ENPP2: variants seen among roughly 807,000 people sequenced by gnomAD.
The protein encoded by ENPP2 is autotaxin.
ENPP2 carries 51 observed loss-of-function variants against 120.2 expected under a neutral mutation model. The ratio of observed to expected loss-of-function variants is 0.42; its 90% CI spans 0.34 to 0.54. The LOEUF is 0.54. ENPP2 is among the 20% of genes least tolerant of loss of function. The probability of loss-of-function intolerance (pLI) is 0.04; values close to 1 mark genes in which losing one functional copy is unlikely to be tolerated. For missense variants in ENPP2, 920 were observed against 1,066.5 expected, an observed-to-expected ratio of 0.86 and a Z score of 1.91; for synonymous variants, 365 against 366.4, an observed-to-expected ratio of 1.00 and a Z score of 0.04.
intron 1 of ENPP2, among the ~76,000 whole-genome samples, chr8:119,651,072 T>C (rs966477629): frequency 6.6e-6 from 1 of 151,928 alleles, no homozygotes; most frequent in Non-Finnish European, 1.5e-5. Context: ...AGGCTGTCCA[T>C]AGATATGTCA....
At chr8:119,610,543 G>A (rs1051500661) in intron 8 of ENPP2, among the ~76,000 whole-genome samples, 2 of 151,830 alleles carry the variant, frequency 1.3e-5, no homozygotes, top group African/African-American at 4.8e-5. Flanking sequence ...TGTTAATTCA[G>A]AGATATAAGT....
chr8:119,570,801 C>A lies in ENPP2; in HGVS notation c.1821G>T (p.Arg607=). 1 of 1,583,756 alleles carries A rather than the reference C, an allele frequency of 6.3e-7. No individual in the cohort carries two copies. Among genetic ancestry groups the A allele is most frequent in the South Asian group, 1.2e-5 (1 of 84,038 alleles). Residue 607 remains arginine, a synonymous_variant, in exon 20 of 25, where the codon CGG becomes CGT. Coordinates refer to ENST00000075322, the MANE Select transcript of ENPP2 (RefSeq NM_001040092.3). The stretch of plus-strand genomic sequence containing the variant: ...TGTGATATAAGATATCATATCTAGT[C>A]CGATAAAGCACTGCAGGTCGCCCAT... ...LLYGRPAVLY[R]TRYDILYHTD... is the part of the protein sequence containing the mutation.
chr8:119,654,865 T>C (rs1170653695), intron 1 of ENPP2, among the ~76,000 whole-genome samples: 2 of 152,220 alleles, frequency 1.3e-5, no homozygotes, highest in Non-Finnish European at 2.9e-5. Flanking sequence ...CTACTATTTC[T>C]CTGTCTTCTT....
At position 119,610,754 on chromosome 8, in the gene ENPP2, C is replaced by A. The variant is rs545469530; in HGVS notation, c.778-2777G>T. Among the ~76,000 whole-genome samples, 13 of 151,886 alleles carry A rather than the reference C, an allele frequency of 8.6e-5. No homozygotes were observed. In the South Asian group the frequency reaches 2.1e-3, roughly 24 times the overall value. ...CCATCTCTACTAAAGATACAAAAAA[C>A]CAGCCAGGAGTCGTGATAGGCACCT... On this transcript the variant is annotated intron_variant, in intron 8 of 24. Coordinates refer to ENST00000075322, the MANE Select transcript of ENPP2 (RefSeq NM_001040092.3).
intron 24 of ENPP2, among the ~76,000 whole-genome samples, chr8:119,562,335 C>T (rs896032313): frequency 5.9e-5 from 9 of 151,880 alleles, no homozygotes; most frequent in African/African-American, 1.5e-4. Context: ...CCCAGCTACT[C>T]GGGAGGCTGA....
intron 13 of ENPP2, 63 bp from the exon 14 acceptor site, chr8:119,587,138 T>C (rs781676519): frequency 7.3e-6 from 10 of 1,364,556 alleles, no homozygotes; most frequent in African/African-American, 5.7e-5. Flanking sequence ...GAAATCATTT[T>C]TGCAGCAAGA....
chr8:119,558,597 G>C (rs1480021204), intron 24 of ENPP2, among the ~76,000 whole-genome samples: 2 of 152,132 alleles, frequency 1.3e-5, no homozygotes, highest in African/African-American at 2.4e-5. Flanking sequence ...TAATTCAGGG[G>C]AAGCAGTTCT....
chr8:119,575,683 T>A (rs990554525), intron 19 of ENPP2, among the ~76,000 whole-genome samples: 9 of 152,170 alleles, frequency 5.9e-5, no homozygotes, highest in African/African-American at 1.9e-4. Flanking sequence ...GCTTTATATC[T>A]CCCTGGAATG....
At position 119,617,219 on chromosome 8, in the gene ENPP2, T is replaced by C; in HGVS notation, c.602A>G (p.Tyr201Cys). 2 of 1,613,620 alleles carry C rather than the reference T, an allele frequency of 1.2e-6. No individual in the cohort carries two copies. The highest frequency in any genetic ancestry group is 1.7e-6 in the Non-Finnish European group (2 of 1,179,532). Residue 201 changes from tyrosine (Y) to cysteine (C), a missense_variant, in exon 7 of 25, where the codon TAC (tyrosine) becomes TGC (cysteine). Tyr to Cys is a radical substitution (Grantham distance 194, BLOSUM62 -2). Coordinates refer to ENST00000075322, the MANE Select transcript of ENPP2 (RefSeq NM_001040092.3). ...KLRSCGTHSPYMRPVYPTKTF... is the reference protein window; with the variant it reads ...KLRSCGTHSPCMRPVYPTKTF... ...TTTAGTTGGGTACACCGGCCTCATGTAGGGAGAGTGTGTGCCACAAGACCC... is the reference window on the plus strand; with the variant it reads ...TTTAGTTGGGTACACCGGCCTCATGCAGGGAGAGTGTGTGCCACAAGACCC...
upstream of ENPP2, among the ~76,000 whole-genome samples, chr8:119,643,799 A>C (rs893802357): frequency 6.6e-6 from 1 of 152,216 alleles, no homozygotes; most frequent in African/African-American, 2.4e-5. Flanking sequence ...AGCAAATATC[A>C]TTCAGATTAC....
At chr8:119,605,353 C>T (rs190313332) in intron 9 of ENPP2, among the ~76,000 whole-genome samples, 1 of 152,070 alleles carries the variant, frequency 6.6e-6, no homozygotes, top group African/African-American at 2.4e-5. Context: ...GGCATGAGCC[C>T]CCAGGCCCGG....
In ENPP2 at chr8:119,571,798, T is replaced by C. The variant is rs188128058; in HGVS notation, c.1781-957A>G. 9.8e-3 allele frequency: 1,527 copies of C among 155,838 alleles called. 22 individuals carry two copies. The highest frequency in any genetic ancestry group is 0.032 in the South Asian group (158 of 4,876). The allele number at this position is 155,838 out of a possible 1,614,324, so 9.7% of individuals were successfully genotyped here. On this transcript the variant is annotated intron_variant, in intron 19 of 24. Coordinates refer to ENST00000075322, the MANE Select transcript of ENPP2 (RefSeq NM_001040092.3). ...TATTTTTTCTACTAGAGAAAATCAGTTCTGAAAAACACTTATTAAATAATG... is the reference window on the plus strand; with the variant it reads ...TATTTTTTCTACTAGAGAAAATCAGCTCTGAAAAACACTTATTAAATAATG...
intron 5 of ENPP2, among the ~76,000 whole-genome samples, chr8:119,618,851 C>T (rs944644002): frequency 6.6e-6 from 1 of 151,952 alleles, no homozygotes; most frequent in South Asian, 2.1e-4. Context: ...TTGGATAACA[C>T]AGTTTTAAAG....
At chr8:119,580,551 A>G (rs182342600) in intron 18 of ENPP2, 1 of 195,592 alleles carries the variant, frequency 5.1e-6, no homozygotes, top group Admixed American at 5.6e-5. Context: ...AATTTATGAA[A>G]TCACTTTTCA....
At chr8:119,652,720 T>G (rs1817661467) in intron 1 of ENPP2, among the ~76,000 whole-genome samples, 1 of 152,206 alleles carries the variant, frequency 6.6e-6, no homozygotes, top group Non-Finnish European at 1.5e-5. Context: ...GAATCACAGA[T>G]GTAAGATATG....
At chr8:119,665,182 C>G (rs1366530363) in intron 1 of ENPP2, among the ~76,000 whole-genome samples, 1 of 152,182 alleles carries the variant, frequency 6.6e-6, no homozygotes, top group Admixed American at 6.5e-5. Flanking sequence ...TTCTAAGGAA[C>G]TGGGGATTAT....
At chr8:119,659,830 G>T (rs987068069) in intron 1 of ENPP2, among the ~76,000 whole-genome samples, 15 of 152,174 alleles carry the variant, frequency 9.9e-5, no homozygotes, top group African/African-American at 3.4e-4. Context: ...GTATTAAGAA[G>T]GCCATTTTCT....
intron 24 of ENPP2, among the ~76,000 whole-genome samples, chr8:119,559,767 T>A (rs2129869873): frequency 6.6e-6 from 1 of 152,360 alleles, no homozygotes; most frequent in African/African-American, 2.4e-5. Flanking sequence ...ATGAACTTGC[T>A]TGCTGTCTTC....
At chr8:119,570,656 T>A (rs1814886300) in intron 20 of ENPP2, 49 bp downstream of exon 20, 1 of 1,031,878 alleles carries the variant, frequency 9.7e-7, no homozygotes, top group African/African-American at 1.7e-5. Context: ...TGTATTAACA[T>A]GAGGAATGTA....
Sources: gnomAD v4.1 joint callset for allele counts (sites outside exome capture counted in the v4.1 genomes callset) on GRCh38, gnomAD v4.1.1 for gene constraint, MANE v1.5 for transcripts, NCBI Gene and HGNC (gene_info 2026-07-23, HGNC 2026-07-21) for gene names.